The following RREB1 variants were observed in gnomAD, a reference collection of about 807,000 sequenced individuals.
RREB1 encodes ras responsive element binding protein 1.
In RREB1, 27 loss-of-function variants were observed where a neutral mutation model predicts 117.8. The ratio of observed to expected loss-of-function variants is 0.23; its 90% CI spans 0.17 to 0.32. The LOEUF is 0.32. Ranked by LOEUF, RREB1 falls within the 10% of genes least tolerant of loss-of-function variation. The pLI is 1.00. For synonymous variants in RREB1, 1,298 were observed against 1,026.7 expected, an observed-to-expected ratio of 1.26 and a Z score of -5.05; for missense variants, 2,577 against 2,378.2, an observed-to-expected ratio of 1.08 and a Z score of -1.74.
rs1769055542 is a variant in RREB1 at position 7,246,631 on chromosome 6, A to G, written c.4181A>G (p.His1394Arg). 1.9e-6 allele frequency: 3 copies of G among 1,570,766 alleles called. No homozygotes were observed. Among genetic ancestry groups the G allele is most frequent in the Non-Finnish European group, 2.6e-6 (3 of 1,158,260 alleles). ...RGESHEPEEE[H>R]GTEESTGDAD... The stretch of plus-strand genomic sequence containing the variant: ...GAGAGCCATGAGCCGGAGGAGGAGC[A>G]TGGCACTGAGGAGAGCACTGGGGAC... The change falls in exon 12 of 13, where the codon CAT (histidine) becomes CGT (arginine). Residue 1394 changes from histidine (H) to arginine (R), a missense_variant. By Grantham distance (29) the His-to-Arg change is conservative (BLOSUM62 0). Coordinates refer to ENST00000379938, the MANE Select transcript of RREB1 (RefSeq NM_001003699.4).
intron 1 of RREB1, among the ~76,000 whole-genome samples, chr6:7,133,148 C>T (rs924359875): frequency 6.6e-6 from 1 of 152,130 alleles, no homozygotes. Flanking sequence ...AAGCATGGTT[C>T]GTTTCTTTTC....
At chr6:7,166,719 C>T (rs1763945914) in intron 1 of RREB1, among the ~76,000 whole-genome samples, 1 of 152,172 alleles carries the variant, frequency 6.6e-6, no homozygotes, top group Admixed American at 6.5e-5. Flanking sequence ...TTTTGGTTTT[C>T]TAAGGAGTGT....
chr6:7,139,458 A>G (rs1762472062), intron 1 of RREB1, among the ~76,000 whole-genome samples: 1 of 152,226 alleles, frequency 6.6e-6, no homozygotes, highest in South Asian at 2.1e-4. Context: ...AAAATTAAAG[A>G]TCTGGTTTGA....
chr6:7,240,514 C>T lies in RREB1; in HGVS notation c.3885C>T (p.Arg1295=). The T allele has an allele frequency of 6.2e-7, 1 of 1,613,952 alleles. No individual in the cohort carries two copies. Among genetic ancestry groups the T allele is most frequent in the Non-Finnish European group, 8.5e-7 (1 of 1,179,910 alleles). The change falls in exon 11 of 13, where the codon CGC becomes CGT. Residue 1295 remains arginine (R), a synonymous_variant. Transcript: ENST00000379938. Reference sequence around the variant, plus strand: ...CTAACTGTGAACGCCACCAGTTGCGCAAACACGGAGTTACCACCTGTTCCC... The same window carrying T: ...CTAACTGTGAACGCCACCAGTTGCGTAAACACGGAGTTACCACCTGTTCCC... ...TKSNCERHQL[R]KHGVTTCSLR...
At chr6:7,145,700 G>T (rs755184119) in intron 1 of RREB1, among the ~76,000 whole-genome samples, 6 of 151,646 alleles carry the variant, frequency 4.0e-5, no homozygotes, top group Admixed American at 6.6e-5. Flanking sequence ...GAGAGGGCCT[G>T]TGAGGTTGGT....
intron 10 of RREB1, among the ~76,000 whole-genome samples, chr6:7,236,077 C>G (rs542859275): frequency 6.6e-6 from 1 of 152,318 alleles, no homozygotes; most frequent in South Asian, 2.1e-4. Context: ...TTACCTTTCT[C>G]TACCTAAACG....
At chr6:7,164,331 C>A (rs1763820299) in intron 1 of RREB1, among the ~76,000 whole-genome samples, 1 of 152,166 alleles carries the variant, frequency 6.6e-6, no homozygotes, top group South Asian at 2.1e-4. Context: ...ACCTGTGTGA[C>A]TGTTAGGGGT....
At chr6:7,164,315 T>C (rs1190904671) in intron 1 of RREB1, among the ~76,000 whole-genome samples, 1 of 152,154 alleles carries the variant, frequency 6.6e-6, no homozygotes, top group African/African-American at 2.4e-5. Context: ...CCCACCCGGT[T>C]CTCTTACCTG....
chr6:7,127,289 G>A (rs181194860), intron 1 of RREB1, among the ~76,000 whole-genome samples: 525 of 152,150 alleles, frequency 3.5e-3, no homozygotes, highest in Non-Finnish European at 6.0e-3. Context: ...AATTTAAGTC[G>A]GAGAGAAGAC....
chr6:7,167,203 A>G (rs1012208212), intron 1 of RREB1, among the ~76,000 whole-genome samples: 3 of 152,220 alleles, frequency 2.0e-5, no homozygotes, highest in Admixed American at 2.0e-4. Context: ...TTTCAGCAGC[A>G]ACTGAAGTCA....
At chr6:7,146,528 G>C (rs1183818410) in intron 1 of RREB1, among the ~76,000 whole-genome samples, 1 of 152,184 alleles carries the variant, frequency 6.6e-6, no homozygotes, top group Non-Finnish European at 1.5e-5. Context: ...CTCTGACTTA[G>C]GGGACGTCTT....
At chr6:7,190,446 C>G (rs1765344758) in intron 6 of RREB1, among the ~76,000 whole-genome samples, 1 of 152,170 alleles carries the variant, frequency 6.6e-6, no homozygotes, top group African/African-American at 2.4e-5. Flanking sequence ...ATTTGCGTTT[C>G]TAAGTAATGC....
chr6:7,225,400 T>G (rs537108286), intron 8 of RREB1, among the ~76,000 whole-genome samples: 1 of 152,314 alleles, frequency 6.6e-6, no homozygotes, highest in South Asian at 2.1e-4. Flanking sequence ...TACATGTGGC[T>G]TTGGTGGCTA....
chr6:7,110,249 A>G (rs749490984), intron 1 of RREB1, among the ~76,000 whole-genome samples: 9 of 152,226 alleles, frequency 5.9e-5, no homozygotes, highest in Non-Finnish European at 1.2e-4. Context: ...CACCCATGAA[A>G]ATCATCCTCT....
chr6:7,144,483 G>A (rs553802589), intron 1 of RREB1, among the ~76,000 whole-genome samples: 1 of 152,236 alleles, frequency 6.6e-6, no homozygotes, highest in African/African-American at 2.4e-5. Context: ...TTGAAACATG[G>A]TCTTATCCAA....
intron 1 of RREB1, among the ~76,000 whole-genome samples, chr6:7,153,453 A>C (rs1763221820): frequency 8.0e-6 from 1 of 125,678 alleles, no homozygotes; most frequent in African/African-American, 3.5e-5. Context: ...CAAATCCTCC[A>C]ATGTATTTAC....
chr6:7,239,495 G>T (rs1768554912), intron 10 of RREB1, among the ~76,000 whole-genome samples: 1 of 152,286 alleles, frequency 6.6e-6, no homozygotes, highest in South Asian at 2.1e-4. Flanking sequence ...TTGTAGAGGA[G>T]CTTCTATTGC....
At chr6:7,121,663 C>G (rs1239250034) in intron 1 of RREB1, among the ~76,000 whole-genome samples, 3 of 152,076 alleles carry the variant, frequency 2.0e-5, no homozygotes, top group African/African-American at 4.8e-5. Context: ...AACCTGTCCC[C>G]GTGGAGTGAT....
intron 6 of RREB1, among the ~76,000 whole-genome samples, chr6:7,190,269 C>A: frequency 6.6e-6 from 1 of 151,804 alleles, no homozygotes; most frequent in East Asian, 1.9e-4. Context: ...AGTTTCTCAT[C>A]TTTAAAATGA....
Sources: gnomAD v4.1 joint callset for allele counts (sites outside exome capture counted in the v4.1 genomes callset) on GRCh38, gnomAD v4.1.1 for gene constraint, MANE v1.5 for transcripts, NCBI Gene and HGNC (gene_info 2026-07-23, HGNC 2026-07-21) for gene names.